The following GRIA4 variants were observed in gnomAD, a reference collection of about 807,000 sequenced individuals.
GRIA4 encodes glutamate receptor 4.
Under a neutral mutation model 104.0 loss-of-function variants are expected in GRIA4, and 34 were observed. The observed-to-expected ratio is 0.33, with a 90% confidence interval of 0.25 to 0.44. The LOEUF is 0.44. GRIA4 is among the 20% of genes least tolerant of loss of function. The pLI is 1.00. For synonymous variants in GRIA4, 386 were observed against 381.9 expected (o/e 1.01, Z -0.13); for missense variants, 750 against 1,096.5 (o/e 0.68, Z 4.46).
intron 3 of GRIA4, among the ~76,000 whole-genome samples, chr11:105,672,838 G>T (rs188461305): frequency 6.6e-6 from 1 of 151,974 alleles, no homozygotes; most frequent in East Asian, 1.9e-4. Context: ...CAAACTTTAT[G>T]ACTTTTACCA....
At chr11:105,752,139 G>T (rs1940034109) in intron 3 of GRIA4, among the ~76,000 whole-genome samples, 1 of 152,078 alleles carries the variant, frequency 6.6e-6, no homozygotes, top group Non-Finnish European at 1.5e-5. Flanking sequence ...AAAGAATTTT[G>T]AGAAGAATCT....
At chr11:105,655,051 C>T (rs1190278844) in intron 3 of GRIA4, among the ~76,000 whole-genome samples, 3 of 152,256 alleles carry the variant, frequency 2.0e-5, no homozygotes, top group South Asian at 4.1e-4. Flanking sequence ...CTTGTAGAGA[C>T]CCTTTTCTTA....
chr11:105,793,077 T>G (rs1461325789), intron 4 of GRIA4, among the ~76,000 whole-genome samples: 2 of 152,168 alleles, frequency 1.3e-5, no homozygotes, highest in African/African-American at 2.4e-5. Context: ...CAGGCTAATC[T>G]CATAATTTCA....
At chr11:105,917,879 T>C (rs1048172364) in intron 10 of GRIA4, among the ~76,000 whole-genome samples, 4 of 150,636 alleles carry the variant, frequency 2.7e-5, no homozygotes, top group African/African-American at 9.7e-5. Context: ...CCAGTAATTA[T>C]TAGCCACTGA....
At chr11:105,892,953 A>G (rs554306991) in intron 6 of GRIA4, among the ~76,000 whole-genome samples, 131 of 152,326 alleles carry the variant, frequency 8.6e-4, no homozygotes, top group African/African-American at 2.9e-3. Flanking sequence ...ATAAGCATTT[A>G]TTAAACAGTG....
At chr11:105,794,473 G>A (rs182921582) in intron 4 of GRIA4, among the ~76,000 whole-genome samples, 18,113 of 43,092 alleles carry the variant, frequency 0.42, 4,285 homozygotes, top group Middle Eastern at 0.48. Flanking sequence ...GTATATGTAT[G>A]TATATATATA....
intron 11 of GRIA4, among the ~76,000 whole-genome samples, chr11:105,921,077 T>C (rs568433018): frequency 1.3e-5 from 2 of 152,312 alleles, no homozygotes; most frequent in South Asian, 2.1e-4. Context: ...GGATTCACTA[T>C]ATTTTTTTAC....
intron 3 of GRIA4, among the ~76,000 whole-genome samples, chr11:105,708,659 G>A (rs1591114440): frequency 6.6e-6 from 1 of 152,086 alleles, no homozygotes; most frequent in Middle Eastern, 3.4e-3. Context: ...TAGCAATTCT[G>A]TAACTACTTT....
chr11:105,898,436 T>C lies in GRIA4; in HGVS notation c.885+9T>C. 8 of 1,503,050 alleles carry C rather than the reference T, an allele frequency of 5.3e-6. No homozygotes were observed. Among genetic ancestry groups the C allele is most frequent in the East Asian group, 2.3e-5 (1 of 44,144 alleles). The allele number at this position is 1,503,050 out of a possible 1,614,324, so 93.1% of individuals were successfully genotyped here. A position where few individuals can be genotyped will look rare whatever the true frequency, so the allele number is the denominator to read the frequency against. ...CTGAGACTCCTCCAAAGGTATTTGT[T>C]TATTTTTATCTACTGTATTACTGAT... is the stretch of plus-strand genomic sequence containing the variant. On this transcript the variant is annotated intron_variant, in intron 7 of 16. Transcript: ENST00000282499.
chr11:105,646,170 T>C (rs1175355439), intron 3 of GRIA4, among the ~76,000 whole-genome samples: 2 of 152,192 alleles, frequency 1.3e-5, no homozygotes, highest in Admixed American at 6.5e-5. Flanking sequence ...ATTTGGAACA[T>C]AAGTCACCTA....
intron 3 of GRIA4, among the ~76,000 whole-genome samples, chr11:105,646,496 A>G (rs1263631639): frequency 6.6e-6 from 1 of 152,146 alleles, no homozygotes; most frequent in Admixed American, 6.6e-5. Context: ...ACAGAGCTGG[A>G]GGCATCACAC....
chr11:105,739,468 G>A (rs971801649), intron 3 of GRIA4, among the ~76,000 whole-genome samples: 6 of 152,120 alleles, frequency 3.9e-5, no homozygotes, highest in African/African-American at 1.4e-4. Context: ...AACACTGAAA[G>A]TACTTAATTG....
chr11:105,761,864 T>C (rs1940668332), intron 4 of GRIA4, among the ~76,000 whole-genome samples: 1 of 152,244 alleles, frequency 6.6e-6, no homozygotes, highest in African/African-American at 2.4e-5. Context: ...AAAAGACTGA[T>C]ACATTCTTTA....
At chr11:105,904,792 T>A (rs1946983748) in intron 8 of GRIA4, among the ~76,000 whole-genome samples, 1 of 152,184 alleles carries the variant, frequency 6.6e-6, no homozygotes, top group Admixed American at 6.5e-5. Context: ...ATCTTAATTT[T>A]AATATTAGCA....
At position 105,830,053 on chromosome 11, in the gene GRIA4, A is replaced by G. The variant is rs79595017; in HGVS notation, c.488-31971A>G. Among the ~76,000 whole-genome samples, 577 of 152,128 alleles carry G rather than the reference A, an allele frequency of 3.8e-3. 7 individuals carry two copies. Among genetic ancestry groups the G allele is most frequent in the African/African-American group, 0.013 (536 of 41,532 alleles). ...ACTGAAAGGACATTTTCAAAATACTACTTTGATTCTCTATTGCCTGCTGCA... is the reference window on the plus strand; with the variant it reads ...ACTGAAAGGACATTTTCAAAATACTGCTTTGATTCTCTATTGCCTGCTGCA... On this transcript the variant is annotated intron_variant, in intron 4 of 16. Coordinates refer to ENST00000282499, the MANE Select transcript of GRIA4 (RefSeq NM_000829.4).
intron 4 of GRIA4, among the ~76,000 whole-genome samples, chr11:105,758,507 A>G (rs1256144293): frequency 6.6e-6 from 1 of 152,136 alleles, no homozygotes; most frequent in Non-Finnish European, 1.5e-5. Context: ...TCTCCTGACA[A>G]TATATATTTT....
At chr11:105,684,367 G>A (rs1416357084) in intron 3 of GRIA4, among the ~76,000 whole-genome samples, 2 of 151,836 alleles carry the variant, frequency 1.3e-5, no homozygotes, top group Non-Finnish European at 2.9e-5. Context: ...ACAACTATAT[G>A]TAATTCCAAT....
chr11:105,936,861 C>A (rs568736439), intron 14 of GRIA4, among the ~76,000 whole-genome samples: 1 of 152,224 alleles, frequency 6.6e-6, no homozygotes, highest in South Asian at 2.1e-4. Context: ...AGCTCTTTAC[C>A]GTTCAGACTT....
chr11:105,850,990 T>C (rs1944789135), intron 4 of GRIA4, among the ~76,000 whole-genome samples: 1 of 152,128 alleles, frequency 6.6e-6, no homozygotes, highest in South Asian at 2.1e-4. Flanking sequence ...AGAATGAGGC[T>C]TTACCAATTA....
Sources: gnomAD v4.1 joint callset for allele counts (sites outside exome capture counted in the v4.1 genomes callset) on GRCh38, gnomAD v4.1.1 for gene constraint, MANE v1.5 for transcripts, NCBI Gene and HGNC (gene_info 2026-07-23, HGNC 2026-07-21) for gene names.